The following UCHL5 variants were observed in gnomAD, a reference collection of about 807,000 sequenced individuals.
UCHL5 encodes ubiquitin C-terminal hydrolase L5.
In UCHL5, 34 loss-of-function variants were observed where a neutral mutation model predicts 53.8. The observed-to-expected ratio is 0.63, with a 90% confidence interval of 0.48 to 0.84. UCHL5 has a LOEUF of 0.84. Ranked by LOEUF, UCHL5 falls within the 40% of genes least tolerant of loss-of-function variation. UCHL5 has a pLI of 0.00. For missense variants in UCHL5, 290 were observed against 385.6 expected (o/e 0.75, Z 2.08); for synonymous variants, 111 against 126.3 (o/e 0.88, Z 0.81).
At chr1:193,028,263 G>C in intron 6 of UCHL5, 115 bp from the exon 7 acceptor site, 1 of 810,144 alleles carries the variant, frequency 1.2e-6, no homozygotes, top group Non-Finnish European at 1.8e-6. Context: ...ATTTAGAGCA[G>C]TAAAACTCTT....
intron 6 of UCHL5, 64 bp from the exon 7 acceptor site, chr1:193,028,212 A>G: frequency 7.2e-7 from 1 of 1,388,210 alleles, no homozygotes; most frequent in Non-Finnish European, 9.7e-7. Flanking sequence ...TTAAAATGCA[A>G]AAGTTTGGCC....
chr1:193,023,950 G>A lies in UCHL5; in HGVS notation c.630-4C>T. 2.5e-6 allele frequency: 4 copies of A among 1,576,444 alleles called. No individual in the cohort carries two copies. Among genetic ancestry groups the A allele is most frequent in the Middle Eastern group, 3.3e-4 (2 of 5,984 alleles). ...TCGAATTTCACCTTCACTGTACCTA[G>A]AAGAAAATTATTTAAGTTTATAATG... is the stretch of plus-strand genomic sequence containing the variant. On this transcript the variant is annotated splice_region_variant and splice_polypyrimidine_tract_variant and intron_variant, in intron 7 of 10. Transcript: ENST00000367454.
rs756145681 is a variant in UCHL5, at chr1:193,059,278, G to A, written c.-18C>T. The A allele has an allele frequency of 4.3e-6, 7 of 1,613,526 alleles. No homozygotes were observed. In the South Asian group the frequency reaches 7.7e-5, roughly 18 times the overall value. ...CCCGTCATGGCCCTGGCCACACACC[G>A]CCCCGATCCACCTCTCGCTCTCAGC... On this transcript the variant is annotated 5_prime_UTR_variant, in exon 1 of 11. Transcript: ENST00000367454. The surrounding 1 kb of genome is among the most constrained non-coding windows in gnomAD (Gnocchi z 4.9).
intron 3 of UCHL5, among the ~76,000 whole-genome samples, chr1:193,046,847 A>C (rs1667497339): frequency 6.6e-6 from 1 of 151,496 alleles, no homozygotes; most frequent in African/African-American, 2.4e-5. Context: ...GTAAAAAAAA[A>C]CAAAATATTT....
intron 3 of UCHL5, among the ~76,000 whole-genome samples, chr1:193,037,411 T>C (rs779700976): frequency 6.6e-6 from 1 of 151,928 alleles, no homozygotes; most frequent in Non-Finnish European, 1.5e-5. Context: ...CCTAGATACA[T>C]ACAACCTACC....
At chr1:193,059,647 G>T, upstream of UCHL5, 1 of 1,388,598 alleles carries the variant, frequency 7.2e-7, no homozygotes, top group South Asian at 1.1e-5. The surrounding 1 kb of genome is among the most constrained non-coding windows in gnomAD (Gnocchi z 4.9). Flanking sequence ...AATCCCCGGC[G>T]GCAGTGGGGC....
chr1:193,046,474 C>T (rs1175723780), intron 3 of UCHL5, among the ~76,000 whole-genome samples: 1 of 151,982 alleles, frequency 6.6e-6, no homozygotes, highest in South Asian at 2.1e-4. Context: ...TTCAGAGCCA[C>T]AGTGCCTGGG....
In UCHL5 at chr1:193,016,218, A is replaced by G. The variant is rs1279720469; in HGVS notation, c.*133T>C. 1 of 945,144 alleles carries G rather than the reference A, an allele frequency of 1.1e-6. No individual in the cohort carries two copies. The highest frequency in any genetic ancestry group is 2.6e-5 in the East Asian group (1 of 38,058). 58.5% of individuals were successfully genotyped at this position (945,144 alleles called of 1,614,324 possible). A position where few individuals can be genotyped will look rare whatever the true frequency, so the allele number is the denominator to read the frequency against. On this transcript the variant is annotated 3_prime_UTR_variant, in exon 11 of 11. Transcript: ENST00000367454. ...AAGAAGTTTATGAATCCATGCATTA[A>G]AGACAAGACAGGCTGGCACTATTGC...
At chr1:193,018,854 A>T (rs1162422344) in intron 10 of UCHL5, 1 of 1,545,594 alleles carries the variant, frequency 6.5e-7, no homozygotes, top group African/African-American at 1.4e-5. Context: ...CCACTATTCC[A>T]ACTTATCTAT....
At chr1:193,058,857 AG>A (rs1572013051) in intron 1 of UCHL5, among the ~76,000 whole-genome samples, 1 of 152,216 alleles carries the variant, frequency 6.6e-6, no homozygotes, top group East Asian at 1.9e-4. Context: ...GAGAAGGGGC[AG>A]TGCAAAGGGC....
chr1:193,045,553 G>A (rs1667083010), intron 3 of UCHL5, among the ~76,000 whole-genome samples: 2 of 152,174 alleles, frequency 1.3e-5, no homozygotes, highest in East Asian at 3.9e-4. Context: ...AGCTTCCTGA[G>A]GCCTCCCAAG....
At chr1:193,021,013 C>A (rs1656807031) in intron 10 of UCHL5, 84 bp downstream of exon 10, 1 of 1,050,874 alleles carries the variant, frequency 9.5e-7, no homozygotes, top group South Asian at 1.5e-5. Context: ...AATTTTACCT[C>A]TATTCAAGCA....
chr1:193,029,543 A>C lies in UCHL5; in HGVS notation c.361T>G (p.Phe121Val). Residue 121 changes from phenylalanine (F) to valine (V), a missense_variant, in exon 4 of 11, where the codon TTT becomes GTT. By Grantham distance (50) the Phe-to-Val change is conservative. Coordinates refer to ENST00000367454, the MANE Select transcript of UCHL5 (RefSeq NM_001199261.3). Reference sequence around the variant, plus strand: ...AAGATTGTACTCACAGCTGCATCAAAACTTTGTGAAAATTCTTTAAACTCT... The same window carrying C: ...AAGATTGTACTCACAGCTGCATCAACACTTTGTGAAAATTCTTTAAACTCT... ...LSEFKEFSQS[F>V]DAAMKGLALS... The C allele has an allele frequency of 6.2e-7, 1 of 1,613,638 alleles. No individual in the cohort carries two copies.
At chr1:193,017,070 T>C (rs1389382486) in intron 10 of UCHL5, among the ~76,000 whole-genome samples, 1 of 151,806 alleles carries the variant, frequency 6.6e-6, no homozygotes, top group South Asian at 2.1e-4. Flanking sequence ...ATATGCTTTA[T>C]AGCATTGCTT....
Position 193,013,243 on chromosome 1 carries a change from G to A in UCHL5, c.*3108C>T. 1 of 152,066 alleles carries A rather than the reference G, an allele frequency of 6.6e-6. No individual in the cohort carries two copies. The highest frequency in any genetic ancestry group is 1.9e-4 in the East Asian group (1 of 5,190). 9.4% of individuals were successfully genotyped at this position (152,066 alleles called of 1,614,324 possible). A position where few individuals can be genotyped will look rare whatever the true frequency, so the allele number is the denominator to read the frequency against. ...GTTGCAAAAGTGAGCAGTTCCCTAG[G>A]TACACCAATACTGTATGTTTGGATG... is the stretch of plus-strand genomic sequence containing the variant. On this transcript the variant is annotated 3_prime_UTR_variant, in exon 11 of 11. Coordinates refer to ENST00000367454, the MANE Select transcript of UCHL5 (RefSeq NM_001199261.3).
rs982601523 is a variant in UCHL5, at chr1:193,015,619, T to A, written c.*732A>T. ...ACAGCTTACAAGCTTGAAACAATAT[T>A]CCATTGAGAGTAACACCAACATTCT... On this transcript the variant is annotated 3_prime_UTR_variant, in exon 11 of 11. Transcript: ENST00000367454. 9 of 151,990 alleles carry A rather than the reference T, an allele frequency of 5.9e-5. No individual in the cohort carries two copies. The highest frequency in any genetic ancestry group is 9.7e-5 in the African/African-American group (4 of 41,432). 9.4% of individuals were successfully genotyped at this position (151,990 alleles called of 1,614,324 possible). A position where few individuals can be genotyped will look rare whatever the true frequency, so the allele number is the denominator to read the frequency against.
At chr1:193,018,074 C>T (rs1655481628) in intron 10 of UCHL5, among the ~76,000 whole-genome samples, 1 of 151,478 alleles carries the variant, frequency 6.6e-6, no homozygotes, top group Non-Finnish European at 1.5e-5. Flanking sequence ...TGACTCAAAT[C>T]AGATAATTCT....
At chr1:193,020,228 A>C (rs1656445779) in intron 10 of UCHL5, 1 of 1,429,174 alleles carries the variant, frequency 7.0e-7, no homozygotes. Context: ...TATTATTTAG[A>C]ATGTATAACA....
Position 193,012,539 on chromosome 1 carries a change from G to A in UCHL5, c.*3812C>T, listed in dbSNP as rs1006227541. The A allele has an allele frequency of 6.6e-6, 1 of 152,110 alleles. No individual in the cohort carries two copies. Among genetic ancestry groups the A allele is most frequent in the African/African-American group, 2.4e-5 (1 of 41,424 alleles). The allele number at this position is 152,110 out of a possible 1,614,324, so 9.4% of individuals were successfully genotyped here. A position where few individuals can be genotyped will look rare whatever the true frequency, so the allele number is the denominator to read the frequency against. On this transcript the variant is annotated 3_prime_UTR_variant, in exon 11 of 11. Transcript: ENST00000367454. ...CTTGTACAGTGTTAGTTCAGTACTA[G>A]AGAAGTTCTGCCTATATGCCTATAT...
Sources: allele counts gnomAD v4.1 joint callset (sites outside exome capture counted in the v4.1 genomes callset), GRCh38; gene constraint gnomAD v4.1.1; non-coding constraint Gnocchi (gnomAD v3.1); transcripts MANE v1.5; gene names NCBI Gene and HGNC (gene_info 2026-07-23, HGNC 2026-07-21).